RYR3: variants seen among roughly 807,000 people sequenced by gnomAD.
RYR3 encodes brain ryanodine receptor-calcium release channel.
In RYR3, 207 loss-of-function variants were observed where a neutral mutation model predicts 584.3. That is an observed-to-expected ratio of 0.35 (90% CI 0.32 to 0.40). The LOEUF (loss-of-function observed/expected upper bound fraction) is 0.40, where lower values mean the gene tolerates loss of function less well. Ranked by LOEUF, RYR3 falls within the 10% of genes least tolerant of loss-of-function variation. RYR3 has a pLI of 1.00. For missense variants in RYR3, 5,616 were observed against 6,089.2 expected (o/e 0.92, Z 2.59); for synonymous variants, 2,416 against 2,248.5 (o/e 1.07, Z -2.11).
chr15:33,670,915 C>G (rs2063800712), intron 38 of RYR3, among the ~76,000 whole-genome samples: 1 of 151,962 alleles, frequency 6.6e-6, no homozygotes, highest in East Asian at 1.9e-4. Flanking sequence ...TGTCACTTCC[C>G]TTTGTGGTTC....
At chr15:33,475,922 CTAAT>C (rs2049331205) in intron 2 of RYR3, among the ~76,000 whole-genome samples, 1 of 151,992 alleles carries the variant, frequency 6.6e-6, no homozygotes, top group South Asian at 2.1e-4. Flanking sequence ...ATAAGGAAAA[CTAAT>C]TACCTTTCAG....
intron 58 of RYR3, 115 bp from the exon 59 acceptor site, chr15:33,756,191 G>T (rs576246813): frequency 4.5e-5 from 33 of 740,760 alleles, no homozygotes; most frequent in East Asian, 4.0e-4. Context: ...TATATTTTGT[G>T]AAATCAGATA....
At chr15:33,318,994 A>G (rs1430661141) in intron 1 of RYR3, among the ~76,000 whole-genome samples, 1 of 152,208 alleles carries the variant, frequency 6.6e-6, no homozygotes, top group Non-Finnish European at 1.5e-5. Context: ...GGAAAGTGCT[A>G]AGGGGAGCTG....
In RYR3 at chr15:33,756,461, C is replaced by T. The variant is rs879091020; in HGVS notation, c.8583+88C>T. The T allele has an allele frequency of 1.2e-5, 11 of 942,206 alleles. 1 individual carries two copies. The Admixed American group carries it at 2.5e-4, about 21-fold the overall frequency. 58.4% of individuals were successfully genotyped at this position (942,206 alleles called of 1,614,324 possible). A position where few individuals can be genotyped will look rare whatever the true frequency, so the allele number is the denominator to read the frequency against. On this transcript the variant is annotated intron_variant, in intron 59 of 103. Coordinates refer to ENST00000634891, the MANE Select transcript of RYR3 (RefSeq NM_001036.6). ...GGTTAAGTGGATCCAGTGAAGATATCTAAAACTCCAATGGCTTCAGTGAGG... is the reference window on the plus strand; with the variant it reads ...GGTTAAGTGGATCCAGTGAAGATATTTAAAACTCCAATGGCTTCAGTGAGG...
At chr15:33,462,692 C>T (rs1281399843) in intron 1 of RYR3, among the ~76,000 whole-genome samples, 1 of 152,032 alleles carries the variant, frequency 6.6e-6, no homozygotes, top group Admixed American at 6.6e-5. Context: ...AACATACAAA[C>T]ACAGATACCA....
At chr15:33,346,348 T>G (rs1489384450) in intron 1 of RYR3, among the ~76,000 whole-genome samples, 4 of 152,228 alleles carry the variant, frequency 2.6e-5, no homozygotes, top group Admixed American at 2.0e-4. Flanking sequence ...CTGACCTCAG[T>G]GGTTTCAAAG....
intron 70 of RYR3, among the ~76,000 whole-genome samples, chr15:33,809,231 G>A (rs150941405): frequency 1.1e-4 from 16 of 152,264 alleles, no homozygotes; most frequent in Admixed American, 2.6e-4. Context: ...GGCATCTGGC[G>A]TGCTTCCAGA....
At chr15:33,511,326 C>T (rs1350844195) in intron 3 of RYR3, among the ~76,000 whole-genome samples, 12 of 106,358 alleles carry the variant, frequency 1.1e-4, no homozygotes, top group Non-Finnish European at 1.5e-4. Context: ...TTTTTTCTCT[C>T]TTTAAAAAAA....
At chr15:33,372,509 C>T (rs112323589) in intron 1 of RYR3, among the ~76,000 whole-genome samples, 5,987 of 151,938 alleles carry the variant, frequency 0.039, 159 homozygotes, top group Non-Finnish European at 0.061. Flanking sequence ...GGACTACAGG[C>T]GCCCGCCACC....
intron 11 of RYR3, 90 bp from the exon 12 acceptor site, chr15:33,566,586 AAG>A (rs2057728767): frequency 1.5e-6 from 2 of 1,370,202 alleles, no homozygotes; most frequent in Non-Finnish European, 1.0e-6. Flanking sequence ...AGAAAGGAAT[AAG>A]AGGGATGAGG....
chr15:33,621,916 A>G (rs1363018255), intron 19 of RYR3, among the ~76,000 whole-genome samples: 1 of 152,174 alleles, frequency 6.6e-6, no homozygotes, highest in Non-Finnish European at 1.5e-5. Flanking sequence ...GGCCCACTGG[A>G]AAGTATCCTG....
intron 1 of RYR3, among the ~76,000 whole-genome samples, chr15:33,416,548 T>A (rs1596041298): frequency 6.6e-6 from 1 of 152,194 alleles, no homozygotes; most frequent in East Asian, 1.9e-4. Flanking sequence ...TATGTTTTTT[T>A]CTTCTTGATT....
rs189541600 is a variant in RYR3, at chr15:33,466,654, A to T, written c.52-6765A>T. 5.1e-3 allele frequency among the ~76,000 whole-genome samples: 782 copies of T among 152,334 alleles called. 3 individuals are homozygous for T. The highest frequency in any genetic ancestry group is 0.017 in the Middle Eastern group (5 of 294). On this transcript the variant is annotated intron_variant, in intron 1 of 103. Transcript: ENST00000634891. ...ACTTTCATAATGTGTGCAAAATGAG[A>T]TTAATAATATTTCTATGTCTCATGG...
chr15:33,715,011 C>T (rs892937992), intron 43 of RYR3, among the ~76,000 whole-genome samples: 15 of 152,164 alleles, frequency 9.9e-5, no homozygotes, highest in Non-Finnish European at 2.1e-4. Context: ...TAGAATTAGT[C>T]AAGGGATGCA....
At chr15:33,713,346 A>G (rs1169436762) in intron 43 of RYR3, among the ~76,000 whole-genome samples, 1 of 151,912 alleles carries the variant, frequency 6.6e-6, no homozygotes, top group African/African-American at 2.4e-5. Flanking sequence ...GTCAGTGGTT[A>G]TAGTGAGTTG....
intron 3 of RYR3, among the ~76,000 whole-genome samples, chr15:33,506,266 T>C (rs1265400040): frequency 3.9e-5 from 6 of 152,228 alleles, no homozygotes; most frequent in Non-Finnish European, 8.8e-5. Context: ...AAGCATGTTA[T>C]AGCAGAAGTT....
intron 38 of RYR3, among the ~76,000 whole-genome samples, chr15:33,678,766 T>C (rs1463681623): frequency 1.3e-5 from 2 of 152,220 alleles, no homozygotes; most frequent in Non-Finnish European, 2.9e-5. Context: ...TGACAGCCAG[T>C]GCCTGTTCCT....
chr15:33,404,294 G>A (rs768441282), intron 1 of RYR3, among the ~76,000 whole-genome samples: 4 of 152,144 alleles, frequency 2.6e-5, no homozygotes, highest in Admixed American at 2.0e-4. Context: ...TCATGTGCTC[G>A]TTTAATCTTT....
chr15:33,626,868 G>T (rs2061016846), intron 20 of RYR3, among the ~76,000 whole-genome samples: 1 of 152,258 alleles, frequency 6.6e-6, no homozygotes, highest in Non-Finnish European at 1.5e-5. Flanking sequence ...AGATTTCAGA[G>T]GATGTATGGA....
Sources: allele counts gnomAD v4.1 joint callset (sites outside exome capture counted in the v4.1 genomes callset), GRCh38; gene constraint gnomAD v4.1.1; transcripts MANE v1.5; gene names NCBI Gene and HGNC (gene_info 2026-07-23, HGNC 2026-07-21).